The following DPH6 variants were observed in gnomAD, a reference collection of about 807,000 sequenced individuals.
DPH6 encodes the protein diphthine--ammonia ligase.
Under a neutral mutation model 38.2 loss-of-function variants are expected in DPH6, and 33 were observed. That is an observed-to-expected ratio of 0.86 (90% CI 0.65 to 1.15). The LOEUF (loss-of-function observed/expected upper bound fraction) is 1.15, where lower values mean the gene tolerates loss of function less well. Ranked by LOEUF, DPH6 falls within the 50% of genes most tolerant of loss-of-function variation. DPH6 has a pLI of 0.00. For missense variants in DPH6, 325 were observed against 320.0 expected (o/e 1.02, Z -0.12); for synonymous variants, 108 against 103.0 (o/e 1.05, Z -0.30).
At chr15:35,496,750 A>AT (rs1401905888) in intron 3 of DPH6, among the ~76,000 whole-genome samples, 1 of 151,522 alleles carries the variant, frequency 6.6e-6, no homozygotes, top group Non-Finnish European at 1.5e-5. Flanking sequence ...ACCACAATGC[A>AT]TAACAGTACA....
At chr15:35,214,880 T>A (rs1449337598), downstream of DPH6, among the ~76,000 whole-genome samples, 1 of 152,202 alleles carries the variant, frequency 6.6e-6, no homozygotes, top group Non-Finnish European at 1.5e-5. Flanking sequence ...AGTGCTAGGA[T>A]TACAGGTGTG....
rs1337480846 is a variant in DPH6 at position 35,279,078 on chromosome 15, T to TAG, written n.201-58497_201-58496insCT. On this transcript the variant is annotated intron_variant and non_coding_transcript_variant, in intron 3 of 3. Coordinates refer to the DPH6 transcript ENST00000560386. ...AAAAAAAAAAAAAAAAATATATATA[T>TAG]ATATATAATTTTGGAGCTTTAAGAT... is the stretch of plus-strand genomic sequence containing the variant. Among the ~76,000 whole-genome samples the TAG allele has an allele frequency of 5.7e-5, 8 of 141,478 alleles. No homozygotes were observed. In the East Asian group the frequency reaches 1.6e-3, roughly 29 times the overall value. 92.8% of individuals were successfully genotyped at this position (141,478 alleles called of 152,430 possible). A position where few individuals can be genotyped will look rare whatever the true frequency, so the allele number is the denominator to read the frequency against.
chr15:35,297,503 T>C (rs1014138428), intron 3 of DPH6, among the ~76,000 whole-genome samples: 8 of 152,082 alleles, frequency 5.3e-5, no homozygotes, highest in African/African-American at 1.9e-4. Flanking sequence ...TTTATTTTTT[T>C]CCCCCAGTCT....
chr15:35,228,584 T>C (rs530362647), intron 3 of DPH6, among the ~76,000 whole-genome samples: 1 of 152,298 alleles, frequency 6.6e-6, no homozygotes, highest in African/African-American at 2.4e-5. Context: ...CGTGCCACTA[T>C]GCCTGGCTAA....
intron 3 of DPH6, among the ~76,000 whole-genome samples, chr15:35,341,661 T>C (rs1447302690): frequency 1.3e-5 from 2 of 152,182 alleles, no homozygotes; most frequent in Admixed American, 6.5e-5. Context: ...CAGACTCTAG[T>C]TGCCTCATTT....
intron 3 of DPH6, among the ~76,000 whole-genome samples, chr15:35,272,987 C>A (rs1176550940): frequency 1.3e-5 from 2 of 151,898 alleles, no homozygotes; most frequent in Non-Finnish European, 2.9e-5. Flanking sequence ...TATACCAGCC[C>A]CCCTTTGCCT....
intron 3 of DPH6, among the ~76,000 whole-genome samples, chr15:35,504,941 G>A (rs947214197): frequency 2.0e-5 from 3 of 152,032 alleles, no homozygotes. Flanking sequence ...CAAGCCACAA[G>A]ACTTAAGCAT....
At chr15:35,160,091 C>T in the DPH6 span, among the ~76,000 whole-genome samples, 1 of 152,000 alleles carries the variant, frequency 6.6e-6, no homozygotes, top group Non-Finnish European at 1.5e-5. Flanking sequence ...CTATCGGGTA[C>T]TATGCTCACT....
chr15:35,385,922 T>C (rs1481197152), intron 6 of DPH6, among the ~76,000 whole-genome samples: 1 of 152,076 alleles, frequency 6.6e-6, no homozygotes, highest in Non-Finnish European at 1.5e-5. Flanking sequence ...TGTATACATG[T>C]GCCATGTTGG....
At chr15:35,285,187 G>A (rs531469443) in intron 3 of DPH6, among the ~76,000 whole-genome samples, 4 of 152,186 alleles carry the variant, frequency 2.6e-5, no homozygotes, top group Non-Finnish European at 4.4e-5. Flanking sequence ...AAATAAGTAT[G>A]TTTTATTCCT....
At chr15:35,276,979 T>C (rs2140432466) in intron 3 of DPH6, among the ~76,000 whole-genome samples, 2 of 152,290 alleles carry the variant, frequency 1.3e-5, no homozygotes, top group South Asian at 4.1e-4. Flanking sequence ...ATGATGATAT[T>C]TTGATAGGGA....
At chr15:35,450,534 A>T in intron 5 of DPH6, 151 bp downstream of exon 5, 1 of 624,792 alleles carries the variant, frequency 1.6e-6, no homozygotes. Context: ...CCTTTTCTTT[A>T]TGCAAGGAAG....
At chr15:35,440,750 G>A (rs1291255682) in intron 5 of DPH6, among the ~76,000 whole-genome samples, 1 of 152,156 alleles carries the variant, frequency 6.6e-6, no homozygotes, top group Non-Finnish European at 1.5e-5. Context: ...GGAGCCACCA[G>A]GAATATGTGC....
At chr15:35,297,501 T>C (rs143379514) in intron 3 of DPH6, among the ~76,000 whole-genome samples, 1 of 152,248 alleles carries the variant, frequency 6.6e-6, no homozygotes, top group East Asian at 1.9e-4. Context: ...TCTTTATTTT[T>C]TTCCCCCAGT....
In DPH6 at chr15:35,386,093, T is replaced by C. The variant is rs568635782; in HGVS notation, c.568-4177A>G. ...TTCCCACCTATGGGGTGAGAACATATGGTGTTTGGTTTTTTGTCCTTGTGA... is the reference window on the plus strand; with the variant it reads ...TTCCCACCTATGGGGTGAGAACATACGGTGTTTGGTTTTTTGTCCTTGTGA... On this transcript the variant is annotated intron_variant, in intron 6 of 8. Transcript: ENST00000256538. 1.3e-4 allele frequency among the ~76,000 whole-genome samples: 20 copies of C among 152,170 alleles called. No individual in the cohort carries two copies. The East Asian group carries it at 3.1e-3, about 24-fold the overall frequency.
chr15:35,381,652 A>G (rs1054716487), intron 7 of DPH6, among the ~76,000 whole-genome samples, 170 bp downstream of exon 7: 15 of 152,198 alleles, frequency 9.9e-5, no homozygotes, highest in African/African-American at 3.6e-4. Context: ...CTTGTCAGGT[A>G]TTGATTTAGA....
At chr15:35,522,912 T>A (rs942632919) in intron 3 of DPH6, among the ~76,000 whole-genome samples, 1 of 152,140 alleles carries the variant, frequency 6.6e-6, no homozygotes, top group South Asian at 2.1e-4. Context: ...TAAAAATATA[T>A]ACAGATGTAT....
intron 3 of DPH6, among the ~76,000 whole-genome samples, chr15:35,525,595 G>T (rs2141245770): frequency 6.6e-6 from 1 of 152,240 alleles, no homozygotes; most frequent in African/African-American, 2.4e-5. Context: ...AATAGTAGCT[G>T]TTAAACTTTT....
At position 35,513,056 on chromosome 15, in the gene DPH6, C is replaced by T. The variant is rs148985705; in HGVS notation, c.312+25218G>A. ...AATTATCTTACTGAAGAGATTTTCA[C>T]GGCATAGAAAAATGTTTCTGATAAC... On this transcript the variant is annotated intron_variant, in intron 3 of 8. Transcript: ENST00000256538. 7.9e-5 allele frequency among the ~76,000 whole-genome samples: 12 copies of T among 151,876 alleles called. No homozygotes were observed. In the East Asian group the frequency reaches 1.7e-3, roughly 22 times the overall value.
Sources: gnomAD v4.1 joint callset for allele counts (sites outside exome capture counted in the v4.1 genomes callset) on GRCh38, gnomAD v4.1.1 for gene constraint, MANE v1.5 for transcripts, NCBI Gene and HGNC (gene_info 2026-07-23, HGNC 2026-07-21) for gene names.